The following PIP4K2A variants were observed in gnomAD, a reference collection of about 807,000 sequenced individuals.
PIP4K2A encodes the protein phosphatidylinositol 5-phosphate 4-kinase type-2 alpha.
Under a neutral mutation model 42.9 loss-of-function variants are expected in PIP4K2A, and 14 were observed. The ratio of observed to expected loss-of-function variants is 0.33; its 90% CI spans 0.22 to 0.51. The LOEUF is 0.51. PIP4K2A is among the 20% of genes least tolerant of loss of function. PIP4K2A has a pLI of 0.97. For missense variants in PIP4K2A, 434 were observed against 519.8 expected (o/e 0.83, Z 1.61); for synonymous variants, 192 against 192.2 (o/e 1.00, Z 0.01).
intron 6 of PIP4K2A, among the ~76,000 whole-genome samples, chr10:22,561,565 GTT>G (rs71394001): frequency 0.059 from 6,708 of 113,466 alleles, 1,754 homozygotes; most frequent in African/African-American, 0.19. Flanking sequence ...TCTCTACGCA[GTT>G]TTTTTTTTTT....
chr10:22,546,283 C>G (rs1262724935), intron 7 of PIP4K2A, among the ~76,000 whole-genome samples: 1 of 151,978 alleles, frequency 6.6e-6, no homozygotes, highest in African/African-American at 2.4e-5. Flanking sequence ...TTGTAACTGG[C>G]AATGTTTTGA....
At chr10:22,631,243 CA>C (rs1838539730) in intron 1 of PIP4K2A, among the ~76,000 whole-genome samples, 1 of 152,164 alleles carries the variant, frequency 6.6e-6, no homozygotes, top group Admixed American at 6.5e-5. Flanking sequence ...TTGTCTCCCC[CA>C]AATTCCTACA....
intron 1 of PIP4K2A, among the ~76,000 whole-genome samples, chr10:22,704,391 G>A (rs1270221822): frequency 6.6e-6 from 1 of 152,126 alleles, no homozygotes; most frequent in Non-Finnish European, 1.5e-5. Flanking sequence ...AAGCTAGATT[G>A]GGGTAAGTTA....
At chr10:22,565,141 C>T (rs1216200006) in intron 6 of PIP4K2A, among the ~76,000 whole-genome samples, 3 of 152,186 alleles carry the variant, frequency 2.0e-5, no homozygotes, top group Non-Finnish European at 4.4e-5. Flanking sequence ...TTCTCTTCTC[C>T]ACACACTCCT....
chr10:22,695,940 C>T (rs1839961732), intron 1 of PIP4K2A, among the ~76,000 whole-genome samples: 1 of 152,064 alleles, frequency 6.6e-6, no homozygotes, highest in Admixed American at 6.6e-5. Context: ...GATTTCTTCC[C>T]CCCACTCATC....
chr10:22,589,864 G>T (rs560949927), intron 4 of PIP4K2A, among the ~76,000 whole-genome samples: 10 of 152,290 alleles, frequency 6.6e-5, no homozygotes, highest in Admixed American at 6.5e-4. Flanking sequence ...ACCTTTGGGG[G>T]ATTGGGAGCT....
At chr10:22,647,194 T>G (rs1259049422) in intron 1 of PIP4K2A, among the ~76,000 whole-genome samples, 2 of 152,156 alleles carry the variant, frequency 1.3e-5, no homozygotes, top group Non-Finnish European at 2.9e-5. Flanking sequence ...GGGCTTTAAG[T>G]TGCCTATTAA....
chr10:22,562,702 G>A (rs1564422012), intron 6 of PIP4K2A, among the ~76,000 whole-genome samples: 1 of 152,174 alleles, frequency 6.6e-6, no homozygotes, highest in Admixed American at 6.5e-5. Context: ...TTTCCCCTGG[G>A]TTCGTTCTAG....
At chr10:22,709,121 T>A (rs7095039) in intron 1 of PIP4K2A, among the ~76,000 whole-genome samples, 56,101 of 151,304 alleles carry the variant, frequency 0.37, 11,780 homozygotes, top group African/African-American at 0.57. Flanking sequence ...TTTTTTTTTT[T>A]AAAAGTCCCC....
At chr10:22,628,520 C>A (rs1627549) in intron 1 of PIP4K2A, among the ~76,000 whole-genome samples, 3 of 152,158 alleles carry the variant, frequency 2.0e-5, no homozygotes, top group South Asian at 4.1e-4. Flanking sequence ...GAGTGACCAA[C>A]GGCTCATGAC....
chr10:22,567,597 G>C, intron 6 of PIP4K2A: 1 of 698,500 alleles, frequency 1.4e-6, no homozygotes, highest in Non-Finnish European at 2.7e-6. Context: ...TTTTTCAAGA[G>C]CAAGTTGCAT....
rs573244272 is a variant in PIP4K2A, at chr10:22,706,276, C to A, written c.144+7907G>T. ...ACCTCCTCTCAAGGATTCTCCAAGTCCCCCAGGCAGAAGTAATCATGATCC... is the reference window on the plus strand; with the variant it reads ...ACCTCCTCTCAAGGATTCTCCAAGTACCCCAGGCAGAAGTAATCATGATCC... On this transcript the variant is annotated intron_variant, in intron 1 of 9. Coordinates refer to ENST00000376573, the MANE Select transcript of PIP4K2A (RefSeq NM_005028.5). Among the ~76,000 whole-genome samples, 4 of 152,238 alleles carry A rather than the reference C, an allele frequency of 2.6e-5. No individual in the cohort carries two copies. The East Asian group carries it at 7.7e-4, about 29-fold the overall frequency.
At chr10:22,710,133 G>A (rs1833888721) in intron 1 of PIP4K2A, among the ~76,000 whole-genome samples, 1 of 151,572 alleles carries the variant, frequency 6.6e-6, no homozygotes, top group Non-Finnish European at 1.5e-5. Flanking sequence ...CAGAGCTTGT[G>A]GAGAATATAA....
Position 22,573,536 on chromosome 10 carries a change from T to C in PIP4K2A, c.493-79A>G, listed in dbSNP as rs1219530838. 3.2e-6 allele frequency: 4 copies of C among 1,263,526 alleles called. No homozygotes were observed. The East Asian group carries it at 9.9e-5, about 31-fold the overall frequency. 78.3% of individuals were successfully genotyped at this position (1,263,526 alleles called of 1,614,324 possible). On this transcript the variant is annotated intron_variant, in intron 4 of 9. Coordinates refer to ENST00000376573, the MANE Select transcript of PIP4K2A (RefSeq NM_005028.5). ...CTTAGATGTAAAATACATACGCCTA[T>C]GGTGTTCATACAAAGTGAAAACCTC...
chr10:22,707,847 T>C (rs961051212), intron 1 of PIP4K2A, among the ~76,000 whole-genome samples: 1 of 152,208 alleles, frequency 6.6e-6, no homozygotes, highest in African/African-American at 2.4e-5. Flanking sequence ...GGTCCATGGA[T>C]AGAATTAAAA....
chr10:22,557,306 T>A (rs575459514), intron 6 of PIP4K2A, among the ~76,000 whole-genome samples: 1 of 152,290 alleles, frequency 6.6e-6, no homozygotes, highest in East Asian at 1.9e-4. Context: ...CCAGAACTGA[T>A]AAAAAGGAGC....
chr10:22,680,170 GTGGATTTTTAAATCCA>G (rs1839632201), intron 1 of PIP4K2A, among the ~76,000 whole-genome samples: 1 of 152,014 alleles, frequency 6.6e-6, no homozygotes, highest in African/African-American at 2.4e-5. Flanking sequence ...TTTGAATTAT[GTGGATTTTTAAATCCA>G]CTTAAATGGG....
intron 1 of PIP4K2A, among the ~76,000 whole-genome samples, chr10:22,633,989 G>C (rs1297776000): frequency 6.6e-6 from 1 of 152,170 alleles, no homozygotes; most frequent in East Asian, 1.9e-4. Flanking sequence ...GTCCCCAGAG[G>C]GCTGCCCCAG....
chr10:22,684,731 G>A (rs752724165), intron 1 of PIP4K2A, among the ~76,000 whole-genome samples: 29 of 152,176 alleles, frequency 1.9e-4, no homozygotes, highest in Admixed American at 5.9e-4. Flanking sequence ...TGGCAAAGTG[G>A]CCATTTGTAA....
Sources: gnomAD v4.1 joint callset for allele counts (sites outside exome capture counted in the v4.1 genomes callset) on GRCh38, gnomAD v4.1.1 for gene constraint, MANE v1.5 for transcripts, NCBI Gene and HGNC (gene_info 2026-07-23, HGNC 2026-07-21) for gene names.